CDK14: variants seen among roughly 807,000 people sequenced by gnomAD.
CDK14 encodes the protein cyclin-dependent kinase 14.
CDK14 carries 34 observed loss-of-function variants against 60.7 expected under a neutral mutation model. The ratio of observed to expected loss-of-function variants is 0.56; its 90% CI spans 0.43 to 0.75. The LOEUF (loss-of-function observed/expected upper bound fraction) is 0.75. Among genes scored for constraint, CDK14 ranks in the 30% least tolerant of loss-of-function variants. CDK14 has a pLI of 0.00. For missense variants in CDK14, 482 were observed against 564.1 expected (o/e 0.85, Z 1.47); for synonymous variants, 197 against 203.7 (o/e 0.97, Z 0.28).
intron 8 of CDK14, among the ~76,000 whole-genome samples, chr7:90,932,705 T>C (rs1793630886): frequency 6.6e-6 from 1 of 152,218 alleles, no homozygotes; most frequent in African/African-American, 2.4e-5. Context: ...TCAGTTTCTG[T>C]GTGGTAAGAG....
At chr7:90,879,506 A>G (rs888313031) in intron 6 of CDK14, among the ~76,000 whole-genome samples, 3 of 152,160 alleles carry the variant, frequency 2.0e-5, no homozygotes, top group African/African-American at 7.2e-5. Context: ...CAGAAAAACC[A>G]TAATAAGTGT....
At chr7:90,719,429 T>C (rs929056305) in intron 2 of CDK14, among the ~76,000 whole-genome samples, 4 of 152,186 alleles carry the variant, frequency 2.6e-5, no homozygotes, top group Non-Finnish European at 5.9e-5. Context: ...AATGCCAACC[T>C]TAACTGAATT....
chr7:90,842,956 T>C (rs1303401287), intron 5 of CDK14, among the ~76,000 whole-genome samples: 1 of 152,180 alleles, frequency 6.6e-6, no homozygotes, highest in Non-Finnish European at 1.5e-5. Flanking sequence ...GTTGCTTTTA[T>C]TGGAGAGGTT....
At chr7:90,885,628 C>A (rs1271212549) in intron 6 of CDK14, among the ~76,000 whole-genome samples, 1 of 152,108 alleles carries the variant, frequency 6.6e-6, no homozygotes, top group Non-Finnish European at 1.5e-5. Context: ...ATGTTTATTG[C>A]AGCACTATTT....
At chr7:90,866,251 C>CAT (rs1237061842) in intron 6 of CDK14, among the ~76,000 whole-genome samples, 1 of 151,306 alleles carries the variant, frequency 6.6e-6, no homozygotes, top group East Asian at 1.9e-4. Flanking sequence ...CACACACACA[C>CAT]ACACACACAC....
chr7:90,698,067 C>CAAAAAAAAAAA (rs71104484), intron 2 of CDK14, among the ~76,000 whole-genome samples: 26 of 75,704 alleles, frequency 3.4e-4, no homozygotes, highest in South Asian at 1.1e-3. Context: ...GACTCTGTCT[C>CAAAAAAAAAAA]AAAAAAAAAA....
chr7:90,607,769 G>C (rs762691383), intron 2 of CDK14, among the ~76,000 whole-genome samples: 6 of 152,188 alleles, frequency 3.9e-5, no homozygotes, highest in Non-Finnish European at 8.8e-5. Context: ...TTCTATGAAT[G>C]ATCATTTTGC....
chr7:91,042,538 G>T (rs1245925107), intron 10 of CDK14, among the ~76,000 whole-genome samples: 1 of 152,138 alleles, frequency 6.6e-6, no homozygotes, highest in African/African-American at 2.4e-5. Context: ...ATAAGTGTTA[G>T]CCAAATAAAG....
At chr7:90,602,278 C>G (rs959044703) in intron 1 of CDK14, among the ~76,000 whole-genome samples, 1 of 152,160 alleles carries the variant, frequency 6.6e-6, no homozygotes, top group African/African-American at 2.4e-5. Context: ...ACATAGTGCG[C>G]GTGTTCCATT....
chr7:90,950,386 T>G (rs1184913720), intron 8 of CDK14, among the ~76,000 whole-genome samples: 1 of 152,196 alleles, frequency 6.6e-6, no homozygotes, highest in South Asian at 2.1e-4. Context: ...ATAAAAATAA[T>G]TTTAATAAAG....
chr7:90,712,408 CTT>C (rs1484122344), intron 2 of CDK14, among the ~76,000 whole-genome samples: 1 of 151,566 alleles, frequency 6.6e-6, no homozygotes, highest in East Asian at 1.9e-4. Context: ...TGTATTTTTT[CTT>C]TTGTCTCTGC....
intron 9 of CDK14, among the ~76,000 whole-genome samples, chr7:90,965,307 A>T (rs1281044278): frequency 3.9e-5 from 6 of 152,180 alleles, no homozygotes; most frequent in Non-Finnish European, 5.9e-5. Flanking sequence ...CTCAGCTGCC[A>T]TCACTCACTG....
intron 2 of CDK14, among the ~76,000 whole-genome samples, chr7:90,672,272 A>G (rs1801110908): frequency 6.6e-6 from 1 of 152,084 alleles, no homozygotes; most frequent in Admixed American, 6.5e-5. Context: ...GTTTTAGAAC[A>G]TTTTCATCAT....
At chr7:91,085,074 G>A (rs556263418) in intron 12 of CDK14, among the ~76,000 whole-genome samples, 7 of 152,152 alleles carry the variant, frequency 4.6e-5, no homozygotes, top group Non-Finnish European at 5.9e-5. Context: ...TGTATTCTGC[G>A]ACTGCCATAA....
chr7:90,861,879 G>C (rs928258724), intron 5 of CDK14, among the ~76,000 whole-genome samples: 1 of 152,092 alleles, frequency 6.6e-6, no homozygotes, highest in African/African-American at 2.4e-5. Flanking sequence ...TTGAAAATAG[G>C]GATTAGTGCA....
intron 9 of CDK14, among the ~76,000 whole-genome samples, chr7:90,961,237 CT>C (rs1351712678): frequency 6.6e-6 from 1 of 152,142 alleles, no homozygotes; most frequent in Non-Finnish European, 1.5e-5. Context: ...GAGTCATGTC[CT>C]TTGCATAACT....
chr7:90,740,513 C>T (rs1803303481), intron 3 of CDK14, among the ~76,000 whole-genome samples: 1 of 151,976 alleles, frequency 6.6e-6, no homozygotes, highest in African/African-American at 2.4e-5. Context: ...GGGATCCCAT[C>T]AACCAGAGGG....
rs535573033 is a variant in CDK14 at position 91,069,754 on chromosome 7, A to G, written c.1106-9678A>G. 5.3e-5 allele frequency among the ~76,000 whole-genome samples: 8 copies of G among 152,310 alleles called. No homozygotes were observed. In the South Asian group the frequency reaches 8.3e-4, roughly 16 times the overall value. ...CCTTTTCAGGTTAATATATATTTTA[A>G]TAGGACACAATCAGATTTCCAATGG... On this transcript the variant is annotated intron_variant, in intron 11 of 14. Transcript: ENST00000380050.
At chr7:90,665,261 G>A (rs908716775) in intron 2 of CDK14, among the ~76,000 whole-genome samples, 1 of 151,604 alleles carries the variant, frequency 6.6e-6, no homozygotes, top group African/African-American at 2.4e-5. Flanking sequence ...CTCCAGCCCG[G>A]CAACAGAGTG....
Sources: gnomAD v4.1 joint callset for allele counts (sites outside exome capture counted in the v4.1 genomes callset) on GRCh38, gnomAD v4.1.1 for gene constraint, MANE v1.5 for transcripts, NCBI Gene and HGNC (gene_info 2026-07-23, HGNC 2026-07-21) for gene names.